Variants in CHST11 observed in about 807,000 individuals in gnomAD.
The protein encoded by CHST11 is carbohydrate sulfotransferase 11, also known as C4S-1.
Under a neutral mutation model 30.4 loss-of-function variants are expected in CHST11, and 9 were observed. The ratio of observed to expected loss-of-function variants is 0.30; its 90% CI spans 0.18 to 0.52. CHST11 has a LOEUF of 0.52. Ranked by LOEUF, CHST11 falls within the 20% of genes least tolerant of loss-of-function variation. CHST11 has a pLI of 0.97. For synonymous variants in CHST11, 152 were observed against 187.8 expected, an observed-to-expected ratio of 0.81 and a Z score of 1.56; for missense variants, 348 against 460.6, an observed-to-expected ratio of 0.76 and a Z score of 2.24.
At chr12:104,584,837 G>A (rs187957877) in intron 1 of CHST11, among the ~76,000 whole-genome samples, 56 of 152,160 alleles carry the variant, frequency 3.7e-4, no homozygotes, top group East Asian at 3.7e-3. Context: ...ACATCTTTGC[G>A]CGTCCATCTT....
intron 1 of CHST11, among the ~76,000 whole-genome samples, chr12:104,580,414 G>A (rs117683606): frequency 6.6e-6 from 1 of 152,302 alleles, no homozygotes; most frequent in African/African-American, 2.4e-5. Flanking sequence ...TAGGCTGCCT[G>A]TTTCTAAATA....
rs537160349 is a variant in CHST11 at position 104,761,780 on chromosome 12, T to C, written c.*3977T>C. 1.3e-5 allele frequency: 2 copies of C among 152,398 alleles called. No homozygotes were observed. The highest frequency in any genetic ancestry group is 2.4e-5 in the African/African-American group (1 of 41,590). The allele number at this position is 152,398 out of a possible 1,614,324, so 9.4% of individuals were successfully genotyped here. ...TCTTATGAGCATGCTCAGTATGGCA[T>C]ATGGACATGTAATGTCACATCTTTG... On this transcript the variant is annotated 3_prime_UTR_variant, in exon 3 of 3. Coordinates refer to ENST00000303694, the MANE Select transcript of CHST11 (RefSeq NM_018413.6).
chr12:104,748,661 C>T (rs2136143913), intron 2 of CHST11, among the ~76,000 whole-genome samples: 1 of 152,238 alleles, frequency 6.6e-6, no homozygotes, highest in Middle Eastern at 3.4e-3. Flanking sequence ...AGAGAAGCCT[C>T]AGGGAACACC....
chr12:104,502,155 G>A (rs2037859056), intron 1 of CHST11, among the ~76,000 whole-genome samples: 1 of 151,966 alleles, frequency 6.6e-6, no homozygotes, highest in Non-Finnish European at 1.5e-5. Flanking sequence ...GACCTCCTGA[G>A]TAGCTGGGGC....
intron 2 of CHST11, among the ~76,000 whole-genome samples, chr12:104,742,277 G>T (rs1452326841): frequency 6.6e-6 from 1 of 152,154 alleles, no homozygotes; most frequent in Non-Finnish European, 1.5e-5. Flanking sequence ...AGAAGGGAGA[G>T]GCCAGGAGGA....
At chr12:104,714,595 A>C (rs1566050267) in intron 2 of CHST11, among the ~76,000 whole-genome samples, 2 of 152,060 alleles carry the variant, frequency 1.3e-5, no homozygotes, top group South Asian at 4.2e-4. Context: ...TGATGATGAC[A>C]AGGACAATAA....
At chr12:104,613,543 A>C (rs1352711319) in intron 2 of CHST11, among the ~76,000 whole-genome samples, 2 of 152,150 alleles carry the variant, frequency 1.3e-5, no homozygotes, top group Middle Eastern at 3.4e-3. Flanking sequence ...TCTCATGGGA[A>C]TTGGTTGTTT....
At chr12:104,698,150 A>T (rs138007358) in intron 2 of CHST11, among the ~76,000 whole-genome samples, 25 of 152,290 alleles carry the variant, frequency 1.6e-4, no homozygotes, top group African/African-American at 5.8e-4. Context: ...AGCCCTGTTC[A>T]GTGCACCCCT....
At chr12:104,684,024 A>G (rs1468705934) in intron 2 of CHST11, among the ~76,000 whole-genome samples, 3 of 152,218 alleles carry the variant, frequency 2.0e-5, no homozygotes, top group Admixed American at 2.0e-4. Context: ...CTGTAAGTGC[A>G]CACTGCTGGC....
chr12:104,746,762 C>T, intron 2 of CHST11, among the ~76,000 whole-genome samples: 1 of 152,172 alleles, frequency 6.6e-6, no homozygotes, highest in Middle Eastern at 3.2e-3. Context: ...ACGTTTTGTA[C>T]CAGGTCCAGA....
At chr12:104,703,121 C>T (rs188561142) in intron 2 of CHST11, among the ~76,000 whole-genome samples, 2 of 152,330 alleles carry the variant, frequency 1.3e-5, no homozygotes, top group Middle Eastern at 3.4e-3. Context: ...CTCACCGGGG[C>T]GGAGACTTTG....
chr12:104,715,922 A>G (rs755805029), intron 2 of CHST11, among the ~76,000 whole-genome samples: 4 of 152,166 alleles, frequency 2.6e-5, no homozygotes, highest in Admixed American at 1.3e-4. Context: ...CCTGACCTAT[A>G]GCAGTATTAG....
Position 104,758,012 on chromosome 12 carries a change from A to G in CHST11, c.*209A>G. The G allele has an allele frequency of 1.7e-6, 1 of 572,256 alleles. No individual in the cohort carries two copies. The highest frequency in any genetic ancestry group is 2.2e-5 in the South Asian group (1 of 45,710). 35.4% of individuals were successfully genotyped at this position (572,256 alleles called of 1,614,324 possible). On this transcript the variant is annotated 3_prime_UTR_variant, in exon 3 of 3. Transcript: ENST00000303694. Reference sequence around the variant, plus strand: ...AGGATGGGTCGTCCTTGTCTGTAGAAGTGAATACTGCAACACTGTCTCAAA... The same window carrying G: ...AGGATGGGTCGTCCTTGTCTGTAGAGGTGAATACTGCAACACTGTCTCAAA...
intron 1 of CHST11, among the ~76,000 whole-genome samples, chr12:104,492,206 C>T (rs2037754401): frequency 6.6e-6 from 1 of 152,178 alleles, no homozygotes; most frequent in Non-Finnish European, 1.5e-5. Context: ...ATGCCGTTCT[C>T]CTGCCTCAGC....
At chr12:104,700,483 C>T (rs1379551538) in intron 2 of CHST11, among the ~76,000 whole-genome samples, 1 of 152,166 alleles carries the variant, frequency 6.6e-6, no homozygotes, top group African/African-American at 2.4e-5. Flanking sequence ...AGGCTCATAT[C>T]CCATCCCTAC....
intron 1 of CHST11, among the ~76,000 whole-genome samples, chr12:104,479,480 G>A (rs1375325369): frequency 6.6e-6 from 1 of 152,166 alleles, no homozygotes; most frequent in Non-Finnish European, 1.5e-5. Flanking sequence ...GTAAAAATCT[G>A]TTGAGTGAGC....
chr12:104,669,593 C>G (rs1281939983), intron 2 of CHST11, among the ~76,000 whole-genome samples: 1 of 152,152 alleles, frequency 6.6e-6, no homozygotes, highest in East Asian at 1.9e-4. Flanking sequence ...GAGTGCTCCC[C>G]CTTTCTGCAG....
intron 1 of CHST11, among the ~76,000 whole-genome samples, chr12:104,524,385 G>T (rs2038103412): frequency 6.6e-6 from 1 of 152,208 alleles, no homozygotes; most frequent in Non-Finnish European, 1.5e-5. Context: ...GGGCTTTGCA[G>T]CTAGTTCATT....
At chr12:104,598,560 C>T (rs564222323) in intron 1 of CHST11, among the ~76,000 whole-genome samples, 1 of 152,302 alleles carries the variant, frequency 6.6e-6, no homozygotes, top group African/African-American at 2.4e-5. Flanking sequence ...ACTTCCATCT[C>T]CCCCTCCTTC....
Sources: gnomAD v4.1 joint callset for allele counts (sites outside exome capture counted in the v4.1 genomes callset) on GRCh38, gnomAD v4.1.1 for gene constraint, MANE v1.5 for transcripts, NCBI Gene and HGNC (gene_info 2026-07-23, HGNC 2026-07-21) for gene names.